CAPSL: variants seen among roughly 807,000 people sequenced by gnomAD.
The protein encoded by CAPSL is calcyphosine like.
A neutral mutation model predicts 21.3 loss-of-function variants in CAPSL; 17 were observed. The observed-to-expected ratio is 0.80, with a 90% CI of 0.55 to 1.20. CAPSL has a LOEUF of 1.20. Ranked by LOEUF, CAPSL falls within the 50% of genes most tolerant of loss-of-function variation. The pLI, the probability that CAPSL is intolerant of heterozygous loss-of-function variation, is 0.00. For missense variants in CAPSL, 289 were observed against 259.3 expected (o/e 1.11, Z -0.79); for synonymous variants, 102 against 89.3 (o/e 1.14, Z -0.80).
At position 35,919,965 on chromosome 5, in the gene CAPSL, T is replaced by A. The variant is rs80039231; in HGVS notation, c.137+1019A>T. On this transcript the variant is annotated intron_variant, in intron 2 of 4. Coordinates refer to ENST00000651391, the MANE Select transcript of CAPSL (RefSeq NM_001042625.2). ...AGGGTTTGCACTAAGGACAATGATG[T>A]GGACCCATGATGAATGGGATAGAGG... 6.2e-3 allele frequency among the ~76,000 whole-genome samples: 950 copies of A among 152,214 alleles called. 17 individuals carry two copies. The highest frequency in any genetic ancestry group is 0.056 in the East Asian group (291 of 5,152).
chr5:35,931,026 T>A (rs1249782463), intron 1 of CAPSL, among the ~76,000 whole-genome samples: 1 of 152,204 alleles, frequency 6.6e-6, no homozygotes, highest in Non-Finnish European at 1.5e-5. Flanking sequence ...AGCCCTGACA[T>A]CATCGAGCTG....
intron 2 of CAPSL, among the ~76,000 whole-genome samples, chr5:35,915,268 T>A (rs1738342702): frequency 6.6e-6 from 1 of 152,210 alleles, no homozygotes; most frequent in Admixed American, 6.5e-5. Context: ...CACAGCCAAA[T>A]TCTACCAGAG....
chr5:35,911,227 C>T (rs1580881192), intron 2 of CAPSL, among the ~76,000 whole-genome samples: 4 of 152,208 alleles, frequency 2.6e-5, no homozygotes, highest in Admixed American at 6.5e-5. Flanking sequence ...GGAACATATA[C>T]TCCCCACTCT....
intron 1 of CAPSL, among the ~76,000 whole-genome samples, chr5:35,931,616 T>C (rs556982721): frequency 7.2e-5 from 11 of 152,276 alleles, no homozygotes; most frequent in African/African-American, 2.4e-4. Flanking sequence ...CTGGGGTTTT[T>C]ACAAAGAAAT....
chr5:35,913,000 G>C (rs1738272469), intron 2 of CAPSL, among the ~76,000 whole-genome samples: 1 of 152,154 alleles, frequency 6.6e-6, no homozygotes, highest in South Asian at 2.1e-4. Flanking sequence ...AACCACTGCA[G>C]AGAAGTCCTT....
At chr5:35,921,454 A>C (rs915442871) in intron 1 of CAPSL, among the ~76,000 whole-genome samples, 1 of 152,096 alleles carries the variant, frequency 6.6e-6, no homozygotes, top group Non-Finnish European at 1.5e-5. Flanking sequence ...ATTATATACC[A>C]TATTATTTTA....
intron 1 of CAPSL, among the ~76,000 whole-genome samples, chr5:35,924,999 C>G (rs1001381289): frequency 6.6e-6 from 1 of 152,238 alleles, no homozygotes; most frequent in African/African-American, 2.4e-5. Context: ...CTGTCTGAAC[C>G]TTAAAGATCC....
intron 1 of CAPSL, among the ~76,000 whole-genome samples, chr5:35,937,020 T>C (rs1451219234): frequency 1.3e-5 from 2 of 152,192 alleles, no homozygotes; most frequent in East Asian, 3.9e-4. Flanking sequence ...TTCCTAACCC[T>C]TTACATCCAA....
chr5:35,911,173 G>GA (rs903745545), intron 2 of CAPSL, among the ~76,000 whole-genome samples: 8 of 152,184 alleles, frequency 5.3e-5, no homozygotes, highest in African/African-American at 1.9e-4. Flanking sequence ...TTCTCTTGCA[G>GA]AAAAATTCCA....
chr5:35,931,301 G>A (rs1370907359), intron 1 of CAPSL, among the ~76,000 whole-genome samples: 1 of 152,132 alleles, frequency 6.6e-6, no homozygotes, highest in East Asian at 1.9e-4. Context: ...GAGAGAGAAA[G>A]TCACTCTATT....
chr5:35,908,177 T>A (rs1738082201), intron 4 of CAPSL, among the ~76,000 whole-genome samples: 1 of 152,228 alleles, frequency 6.6e-6, no homozygotes, highest in African/African-American at 2.4e-5. Flanking sequence ...CACGTGAGTG[T>A]AAGAGTCATC....
At chr5:35,922,633 G>A (rs1004883197) in intron 1 of CAPSL, among the ~76,000 whole-genome samples, 11 of 152,180 alleles carry the variant, frequency 7.2e-5, no homozygotes, top group African/African-American at 2.7e-4. Flanking sequence ...CCTGCGCTTA[G>A]AGACTTCCAT....
At position 35,917,632 on chromosome 5, in the gene CAPSL, C is replaced by T. The variant is rs1413754585; in HGVS notation, c.137+3352G>A. On this transcript the variant is annotated intron_variant, in intron 2 of 4. Coordinates refer to ENST00000651391, the MANE Select transcript of CAPSL (RefSeq NM_001042625.2). ...ATTGCAAGGACAAAAAACCAAACAC[C>T]GCATGTTCGCACTCATAGGTGGGAA... Among the ~76,000 whole-genome samples the T allele has an allele frequency of 3.3e-5, 5 of 152,026 alleles. No individual in the cohort carries two copies. In the East Asian group the frequency reaches 5.8e-4, roughly 18 times the overall value.
intron 2 of CAPSL, among the ~76,000 whole-genome samples, chr5:35,920,019 G>A (rs1489139957): frequency 1.3e-5 from 2 of 152,136 alleles, no homozygotes; most frequent in African/African-American, 4.8e-5. Context: ...GAGGGCATGG[G>A]TGCTGGTCTT....
intron 1 of CAPSL, among the ~76,000 whole-genome samples, chr5:35,930,376 T>A (rs1738789784): frequency 6.6e-6 from 1 of 152,252 alleles, no homozygotes; most frequent in Non-Finnish European, 1.5e-5. Flanking sequence ...TGGTACATTT[T>A]AAAAATAATA....
chr5:35,932,975 C>G (rs568324382), intron 1 of CAPSL, among the ~76,000 whole-genome samples: 1 of 152,178 alleles, frequency 6.6e-6, no homozygotes, highest in African/African-American at 2.4e-5. Flanking sequence ...GGCCCTCCAC[C>G]TGGTTTTGTA....
At chr5:35,927,512 C>G (rs2149930593) in intron 1 of CAPSL, among the ~76,000 whole-genome samples, 1 of 152,284 alleles carries the variant, frequency 6.6e-6, no homozygotes, top group Middle Eastern at 3.4e-3. Context: ...GGGCATCAAG[C>G]TAGTTCCGAG....
intron 3 of CAPSL, 57 bp downstream of exon 3, chr5:35,910,309 A>C: frequency 1.3e-6 from 2 of 1,567,934 alleles, no homozygotes; most frequent in Non-Finnish European, 1.7e-6. Flanking sequence ...AAGGTAGCCA[A>C]CCCAAACCAC....
At chr5:35,930,706 T>G (rs1249112259) in intron 1 of CAPSL, among the ~76,000 whole-genome samples, 1 of 152,240 alleles carries the variant, frequency 6.6e-6, no homozygotes, top group Non-Finnish European at 1.5e-5. Flanking sequence ...CCTTGGAAGT[T>G]TACATTCCTA....
Sources: allele counts gnomAD v4.1 joint callset (sites outside exome capture counted in the v4.1 genomes callset), GRCh38; gene constraint gnomAD v4.1.1; transcripts MANE v1.5; gene names NCBI Gene and HGNC (gene_info 2026-07-23, HGNC 2026-07-21).